The following RNF17 variants were observed in gnomAD, a reference collection of about 807,000 sequenced individuals.
RNF17 encodes the protein ring finger protein 17.
A neutral mutation model predicts 200.5 loss-of-function variants in RNF17; 31 were observed. The ratio of observed to expected loss-of-function variants is 0.15; its 90% CI spans 0.12 to 0.21. The LOEUF is 0.21. Ranked by LOEUF, RNF17 falls within the 10% of genes least tolerant of loss-of-function variation. RNF17 has a pLI of 1.00. For synonymous variants in RNF17, 606 were observed against 637.8 expected (o/e 0.95, Z 0.75); for missense variants, 1,628 against 1,905.1 (o/e 0.85, Z 2.71).
chr13:24,872,847 A>T (rs1045283911), intron 32 of RNF17, among the ~76,000 whole-genome samples: 2 of 120,776 alleles, frequency 1.7e-5, no homozygotes, highest in African/African-American at 2.9e-5. Context: ...CATCATAAAA[A>T]GAAGGGCTCA....
chr13:24,882,814 A>G (rs1462970614), downstream of RNF17: 2 of 276,398 alleles, frequency 7.2e-6, no homozygotes, highest in Non-Finnish European at 1.4e-5. Context: ...GTACAAGTCC[A>G]GTGCTCTACG....
chr13:24,867,045 T>TA (rs1255521430), intron 30 of RNF17, among the ~76,000 whole-genome samples: 47 of 152,362 alleles, frequency 3.1e-4, no homozygotes, highest in African/African-American at 1.1e-3. Flanking sequence ...TTCATGTGCC[T>TA]ATTGGATATA....
chr13:24,873,032 T>C (rs753932531), intron 32 of RNF17, among the ~76,000 whole-genome samples: 1 of 152,206 alleles, frequency 6.6e-6, no homozygotes, highest in African/African-American at 2.4e-5. Flanking sequence ...AGTTAAGGTG[T>C]ACCATTAAAG....
intron 18 of RNF17, among the ~76,000 whole-genome samples, chr13:24,834,430 A>ACAG (rs930348049): frequency 4.0e-5 from 6 of 150,458 alleles, no homozygotes; most frequent in African/African-American, 1.5e-4. Flanking sequence ...AACAACAACA[A>ACAG]CAAGAACAAC....
At chr13:24,886,816 G>A in the RNF17 span, among the ~76,000 whole-genome samples, 1 of 152,148 alleles carries the variant, frequency 6.6e-6, no homozygotes, top group Non-Finnish European at 1.5e-5. Context: ...ACCTACTAAG[G>A]TTGTCAACTA....
chr13:24,778,479 TCTC>T, intron 4 of RNF17, 73 bp downstream of exon 4: 2 of 917,518 alleles, frequency 2.2e-6, no homozygotes, highest in Non-Finnish European at 1.8e-6. Flanking sequence ...TCAACTTTCT[TCTC>T]CTATAATTAT....
intron 18 of RNF17, among the ~76,000 whole-genome samples, chr13:24,832,884 C>T (rs1889568650): frequency 6.6e-6 from 1 of 152,172 alleles, no homozygotes; most frequent in African/African-American, 2.4e-5. Flanking sequence ...GCTTGGACCA[C>T]AGGCATATGC....
intron 9 of RNF17, among the ~76,000 whole-genome samples, chr13:24,790,934 C>T (rs1883767442): frequency 6.6e-6 from 1 of 152,158 alleles, no homozygotes; most frequent in Admixed American, 6.6e-5. Context: ...CCAAAGGCCC[C>T]ACCTCTTAAT....
chr13:24,885,572 T>C, the RNF17 span: 2 of 1,476,454 alleles, frequency 1.4e-6, no homozygotes, highest in Non-Finnish European at 1.9e-6. Flanking sequence ...CTAAGTAATG[T>C]ATGTTTGAAG....
At chr13:24,862,333 C>T (rs922927313) in intron 27 of RNF17, among the ~76,000 whole-genome samples, 8 of 152,224 alleles carry the variant, frequency 5.3e-5, no homozygotes, top group Non-Finnish European at 1.2e-4. Flanking sequence ...AACCTCTCAA[C>T]GCATAAAGAC....
chr13:24,878,036 G>A (rs557549114), intron 34 of RNF17, among the ~76,000 whole-genome samples: 17 of 152,354 alleles, frequency 1.1e-4, no homozygotes, highest in African/African-American at 4.1e-4. Context: ...GCAGTCAGCT[G>A]AAAGTGTAGC....
chr13:24,750,708 T>C, the RNF17 span: 1 of 152,380 alleles, frequency 6.6e-6, no homozygotes, highest in South Asian at 2.1e-4. Flanking sequence ...TTCTGTTTTT[T>C]ATACTGAAAC....
At chr13:24,763,733 G>A (rs1048029168), upstream of RNF17, among the ~76,000 whole-genome samples, 18 of 152,162 alleles carry the variant, frequency 1.2e-4, no homozygotes, top group Non-Finnish European at 1.8e-4. Flanking sequence ...ATTCGAAAGC[G>A]TTCACTGAAT....
At chr13:24,861,603 A>G (rs373001278) in intron 27 of RNF17, among the ~76,000 whole-genome samples, 9 of 152,236 alleles carry the variant, frequency 5.9e-5, no homozygotes, top group Non-Finnish European at 1.0e-4. Context: ...ATGAAGAGAC[A>G]TGTTCATAAG....
intron 18 of RNF17, among the ~76,000 whole-genome samples, chr13:24,834,881 G>T (rs1387251485): frequency 2.6e-5 from 4 of 152,208 alleles, no homozygotes; most frequent in Non-Finnish European, 5.9e-5. Context: ...GGCAGGGGAA[G>T]AACCAAGCCC....
intron 18 of RNF17, among the ~76,000 whole-genome samples, chr13:24,836,553 C>T (rs779400120): frequency 2.0e-5 from 3 of 152,174 alleles, no homozygotes; most frequent in Non-Finnish European, 4.4e-5. Flanking sequence ...GGCCTATCTT[C>T]AGCCTCCTCA....
rs538353259 is a variant in RNF17, at chr13:24,859,782, A to T, written c.3774+618A>T. On this transcript the variant is annotated intron_variant, in intron 26 of 35. Coordinates refer to ENST00000255324, the MANE Select transcript of RNF17 (RefSeq NM_031277.3). ...CTTTTTTCCACCTGGACAGGAGTTT[A>T]TTTTCTGTTTGATGATGATAACTAA... Among the ~76,000 whole-genome samples the T allele has an allele frequency of 2.5e-3, 386 of 152,086 alleles. 5 individuals carry two copies. The highest frequency in any genetic ancestry group is 9.2e-3 in the African/African-American group (382 of 41,514).
In RNF17 at chr13:24,861,291, C is replaced by A; in HGVS notation, c.3798C>A (p.Phe1266Leu). 1.3e-6 allele frequency: 2 copies of A among 1,594,226 alleles called. No individual in the cohort carries two copies. Among genetic ancestry groups the A allele is most frequent in the Admixed American group, 1.7e-5 (1 of 57,768 alleles). Residue 1266 changes from phenylalanine (F) to leucine (L), a missense_variant, in exon 27 of 36, where the codon TTC becomes TTA. Phe to Leu is a conservative substitution (Grantham distance 22). Transcript: ENST00000255324. ...AVRVQYLDHG[F>L]TEKIPQCHLY... ...AGGTACAATATTTAGATCATGGATT[C>A]ACTGAAAAGATTCCGCAGTGCCATC...
chr13:24,832,483 A>G (rs936227429), intron 18 of RNF17, among the ~76,000 whole-genome samples: 1 of 152,194 alleles, frequency 6.6e-6, no homozygotes, highest in Admixed American at 6.5e-5. Context: ...TTGTAACATA[A>G]CAAGTTCTGA....
Sources: gnomAD v4.1 joint callset for allele counts (sites outside exome capture counted in the v4.1 genomes callset) on GRCh38, gnomAD v4.1.1 for gene constraint, MANE v1.5 for transcripts, NCBI Gene and HGNC (gene_info 2026-07-23, HGNC 2026-07-21) for gene names.